The following FBXO7 variants were observed in gnomAD, a reference collection of about 807,000 sequenced individuals.
The protein encoded by FBXO7 is F-box protein 7, also known as F-box only protein 7.
A neutral mutation model predicts 50.2 loss-of-function variants in FBXO7; 31 were observed. That is an observed-to-expected ratio of 0.62 (90% CI 0.46 to 0.83). The LOEUF (loss-of-function observed/expected upper bound fraction) is 0.83, where lower values mean the gene tolerates loss of function less well. Ranked by LOEUF, FBXO7 falls within the 40% of genes least tolerant of loss-of-function variation. The probability of loss-of-function intolerance (pLI) is 0.00; values close to 1 mark genes in which losing one functional copy is unlikely to be tolerated. For missense variants in FBXO7, 667 were observed against 646.6 expected, an observed-to-expected ratio of 1.03 and a Z score of -0.34; for synonymous variants, 256 against 253.1, an observed-to-expected ratio of 1.01 and a Z score of -0.11.
At chr22:32,497,306 C>A in intron 8 of FBXO7, among the ~76,000 whole-genome samples, 1 of 152,116 alleles carries the variant, frequency 6.6e-6, no homozygotes, top group East Asian at 1.9e-4. Context: ...CCGTCACCTC[C>A]CTCCCAGCCT....
Position 32,498,419 on chromosome 22 carries a change from C to T in FBXO7, c.1458C>T (p.Gly486=). 2 of 1,614,198 alleles carry T rather than the reference C, an allele frequency of 1.2e-6. No homozygotes were observed. Among genetic ancestry groups the T allele is most frequent in the Non-Finnish European group, 8.5e-7 (1 of 1,180,012 alleles). ...PPLRPRFDPV[G]PLPGPNPILP... ...TGAGACCACGCTTTGATCCAGTTGG[C>T]CCACTTCCAGGACCTAACCCCATCT... The change falls in exon 9 of 9, where the codon GGC becomes GGT. Residue 486 remains glycine, a synonymous_variant. Transcript: ENST00000266087.
intron 8 of FBXO7, 49 bp from the exon 9 acceptor site, chr22:32,498,095 T>C: frequency 6.3e-7 from 1 of 1,592,636 alleles, no homozygotes; most frequent in East Asian, 2.2e-5. Context: ...AAGGGAAACA[T>C]CCAGATCACT....
chr22:32,475,114 T>G lies in FBXO7; in HGVS notation c.112T>G (p.Trp38Gly), dbSNP rs1000429860. ...SHLRQSLLCT[W>G]GYSSNTRFTI... Reference sequence around the variant, plus strand: ...CCTGAGGCAGTCCCTGCTGTGCACCTGGGGGTACAGGTACGCTGGGGCCGG... The same window carrying G: ...CCTGAGGCAGTCCCTGCTGTGCACCGGGGGGTACAGGTACGCTGGGGCCGG... The change falls in exon 1 of 9, where the codon TGG becomes GGG. Residue 38 changes from tryptophan to glycine, a missense_variant. By Grantham distance (184) the Trp-to-Gly change is radical. Transcript: ENST00000266087. The G allele has an allele frequency of 6.8e-7, 1 of 1,462,592 alleles. No individual in the cohort carries two copies. Among genetic ancestry groups the G allele is most frequent in the Non-Finnish European group, 9.1e-7 (1 of 1,095,990 alleles). 90.6% of individuals were successfully genotyped at this position (1,462,592 alleles called of 1,614,324 possible).
chr22:32,475,256 G>C (rs183220123), intron 1 of FBXO7, 132 bp downstream of exon 1: 22 of 1,533,006 alleles, frequency 1.4e-5, no homozygotes, highest in Non-Finnish European at 1.8e-5. Context: ...CGGGGACGCC[G>C]GGGGGGCCTT....
chr22:32,491,706 G>T, intron 6 of FBXO7: 2 of 150,814 alleles, frequency 1.3e-5, no homozygotes, highest in African/African-American at 2.4e-5. Flanking sequence ...GCACTTAGTT[G>T]GATATTTCAC....
chr22:32,482,134 A>G (rs962629955), intron 2 of FBXO7, among the ~76,000 whole-genome samples: 5 of 152,088 alleles, frequency 3.3e-5, no homozygotes, highest in Admixed American at 1.3e-4. Context: ...AGCAAAACCT[A>G]TGTTTCATAG....
In FBXO7 at chr22:32,483,993, A is replaced by G. The variant is rs1248225424; in HGVS notation, c.514A>G (p.Ser172Gly). Residue 172 changes from serine to glycine, a missense_variant, in exon 3 of 9, where the codon AGT becomes GGT. Coordinates refer to ENST00000266087, the MANE Select transcript of FBXO7 (RefSeq NM_012179.4). ...GFYPSEPMLC[S>G]ESVEGQVPHS... is the part of the protein sequence containing the mutation. ...CTATCCCTCAGAACCCATGCTCTGTAGTGAATCGGTGGAAGGGCAAGTGCC... is the reference window on the plus strand; with the variant it reads ...CTATCCCTCAGAACCCATGCTCTGTGGTGAATCGGTGGAAGGGCAAGTGCC... 10 of 1,614,090 alleles carry G rather than the reference A, an allele frequency of 6.2e-6. No individual in the cohort carries two copies. The African/African-American group carries it at 1.3e-4, about 22-fold the overall frequency.
intron 2 of FBXO7, among the ~76,000 whole-genome samples, chr22:32,480,460 A>G (rs1374247681): frequency 1.3e-5 from 2 of 149,916 alleles, no homozygotes; most frequent in East Asian, 2.0e-4. Context: ...GCTTGCATGC[A>G]TGTGCACACA....
chr22:32,488,053 C>T, intron 5 of FBXO7: 4 of 471,490 alleles, frequency 8.5e-6, no homozygotes, highest in Non-Finnish European at 1.5e-5. Flanking sequence ...TCATAGTGTG[C>T]TGAATTATAT....
chr22:32,493,626 G>A (rs2146003602), intron 7 of FBXO7, among the ~76,000 whole-genome samples: 1 of 152,334 alleles, frequency 6.6e-6, no homozygotes, highest in South Asian at 2.1e-4. Context: ...CAATGTGTAA[G>A]TTAGGAGAGT....
intron 4 of FBXO7, among the ~76,000 whole-genome samples, chr22:32,486,936 C>T (rs952094878): frequency 1.3e-5 from 2 of 152,162 alleles, no homozygotes; most frequent in African/African-American, 4.8e-5. Flanking sequence ...GCAAATTTTG[C>T]CTTGATTTTT....
chr22:32,485,569 CCTGTGGATGG>C (rs1372258871), intron 4 of FBXO7, among the ~76,000 whole-genome samples: 1 of 152,016 alleles, frequency 6.6e-6, no homozygotes, highest in Non-Finnish European at 1.5e-5. Context: ...TTTCTTTATG[CCTGTGGATGG>C]CTTTATTTTT....
chr22:32,491,093 TG>T lies in FBXO7; in HGVS notation c.880del (p.Val294Ter), dbSNP rs1456332416. The T allele has an allele frequency of 6.2e-7, 1 of 1,611,694 alleles. No individual in the cohort carries two copies. Among genetic ancestry groups the T allele is most frequent in the Non-Finnish European group, 8.5e-7 (1 of 1,178,012 alleles). On this transcript the variant is annotated frameshift_variant, in exon 6 of 9. Transcript: ENST00000266087. LOFTEE classifies it high-confidence loss of function. ...FICKEKLGEN[V>X]ANIYKDLQKL... is the part of the protein sequence containing the mutation. ...CTTTAAAAAATATTCTAGGGGAAAA[TG>T]TAGCCAACATATACAAAGATCTTCA...
At position 32,479,570 on chromosome 22, in the gene FBXO7, T is replaced by C. The variant is rs8135209; in HGVS notation, c.417+295T>C. Among the ~76,000 whole-genome samples the C allele has an allele frequency of 0.089, 13,477 of 151,974 alleles. 629 individuals are homozygous for C. Among genetic ancestry groups the C allele is most frequent in the Non-Finnish European group, 0.1 (7,091 of 67,948 alleles). On this transcript the variant is annotated intron_variant, in intron 2 of 8. Transcript: ENST00000266087. ...CACCACCACGCCCAGCTAATTTTTG[T>C]ATTTTTAGTAGAGACGGGGTTTCAG...
chr22:32,475,594 G>C (rs1601500563), intron 1 of FBXO7: 1 of 689,790 alleles, frequency 1.4e-6, no homozygotes, highest in Non-Finnish European at 2.3e-6. Context: ...ATTGCTAGAA[G>C]TTAAAAATCT....
chr22:32,479,373 A>T, intron 2 of FBXO7, 98 bp downstream of exon 2: 2 of 1,065,500 alleles, frequency 1.9e-6, no homozygotes, highest in African/African-American at 1.6e-5. Flanking sequence ...TATCATCGAT[A>T]GATTGCACAT....
chr22:32,488,118 T>C lies in FBXO7; in HGVS notation c.871+290T>C, dbSNP rs1174271950. ...ATTACACTCTGATGATAGTTCATAG[T>C]TTCTGTACTAATCTTTGGAGATCTC... is the stretch of plus-strand genomic sequence containing the variant. On this transcript the variant is annotated intron_variant, in intron 5 of 8. Coordinates refer to ENST00000266087, the MANE Select transcript of FBXO7 (RefSeq NM_012179.4). 8 of 318,978 alleles carry C rather than the reference T, an allele frequency of 2.5e-5. No homozygotes were observed. The Admixed American group carries it at 2.8e-4, about 11-fold the overall frequency. The allele number at this position is 318,978 out of a possible 1,614,324, so 19.8% of individuals were successfully genotyped here.
intron 3 of FBXO7, among the ~76,000 whole-genome samples, chr22:32,484,543 TA>T (rs1247937791): frequency 2.0e-5 from 3 of 152,276 alleles, no homozygotes; most frequent in African/African-American, 7.2e-5. Flanking sequence ...AATTAGGATA[TA>T]AAAATATTGG....
chr22:32,494,867 TATC>T (rs1436236121), intron 7 of FBXO7, among the ~76,000 whole-genome samples: 2 of 152,256 alleles, frequency 1.3e-5, no homozygotes, highest in Non-Finnish European at 2.9e-5. Context: ...GTAGAGAAGA[TATC>T]ATCTTTTATT....
Sources: gnomAD v4.1 joint callset for allele counts (sites outside exome capture counted in the v4.1 genomes callset) on GRCh38, gnomAD v4.1.1 for gene constraint, MANE v1.5 for transcripts, NCBI Gene and HGNC (gene_info 2026-07-23, HGNC 2026-07-21) for gene names.